LTBP4: variants seen among roughly 807,000 people sequenced by gnomAD.
LTBP4 encodes the protein latent transforming growth factor beta binding protein 4.
Under a neutral mutation model 180.2 loss-of-function variants are expected in LTBP4, and 93 were observed. The observed-to-expected ratio is 0.52, with a 90% CI of 0.44 to 0.61. The LOEUF is 0.61. Among genes scored for constraint, LTBP4 ranks in the 20% least tolerant of loss-of-function variants. LTBP4 has a pLI of 0.00. For missense variants in LTBP4, 2,116 were observed against 2,256.5 expected (o/e 0.94, Z 1.26); for synonymous variants, 947 against 934.5 (o/e 1.01, Z -0.24).
rs35089561 is a variant in LTBP4 at position 40,617,121 on chromosome 19, G to A, written c.2966G>A (p.Arg989Gln). ...GCAGATGTGGACGAATGCCGGAACC[G>A]GTCCTTCTGCGGTGCCCACGCCGTG... ...GCQDVDECRN[R>Q]SFCGAHAVCQ... Residue 989 changes from arginine (R) to glutamine (Q), a missense_variant, in exon 21 of 30, where the codon CGG becomes CAG. Arg to Gln is a conservative substitution (Grantham distance 43). Around this residue, in one of 5 missense-constraint regions of LTBP4, gnomAD observed 278 missense variants for 373.0 expected, o/e 0.75. Coordinates refer to ENST00000396819, the MANE Select transcript of LTBP4 (RefSeq NM_001042545.2). 17 of 1,613,986 alleles carry A rather than the reference G, an allele frequency of 1.1e-5. No individual in the cohort carries two copies. The highest frequency in any genetic ancestry group is 1.6e-4 in the Middle Eastern group (1 of 6,062).
rs935816609 is a variant in LTBP4 at position 40,593,803 on chromosome 19, C to T, written c.16+622C>T. Among the ~76,000 whole-genome samples, 6 of 150,262 alleles carry T rather than the reference C, an allele frequency of 4.0e-5. No homozygotes were observed. In the South Asian group the frequency reaches 1.3e-3, roughly 32 times the overall value. On this transcript the variant is annotated intron_variant, in intron 1 of 32. Transcript: ENST00000204005. Reference sequence around the variant, plus strand: ...TAAATTTTTATTATTTTCTTTATTTCTTTTTTTTGAGACAGGGTCTTTCTC... The same window carrying T: ...TAAATTTTTATTATTTTCTTTATTTTTTTTTTTTGAGACAGGGTCTTTCTC...
At position 40,610,867 on chromosome 19, in the gene LTBP4, A is replaced by G. The variant is rs1033449076; in HGVS notation, c.1810+210A>G. On this transcript the variant is annotated intron_variant, in intron 12 of 29. Coordinates refer to ENST00000396819, the MANE Select transcript of LTBP4 (RefSeq NM_001042545.2). ...GGAAACAGAAAGGCTGAGTCATGAA[A>G]GATGGAGAAGCAGAATGAGGAGGGA... is the stretch of plus-strand genomic sequence containing the variant. The G allele has an allele frequency of 3.8e-6, 3 of 797,784 alleles. No homozygotes were observed. The African/African-American group carries it at 5.2e-5, about 14-fold the overall frequency. 49.4% of individuals were successfully genotyped at this position (797,784 alleles called of 1,614,324 possible). A position where few individuals can be genotyped will look rare whatever the true frequency, so the allele number is the denominator to read the frequency against.
chr19:40,618,065 T>TC (rs1164225413), intron 21 of LTBP4, among the ~76,000 whole-genome samples: 1 of 141,854 alleles, frequency 7.0e-6, no homozygotes, highest in Non-Finnish European at 1.5e-5. Context: ...CTCTTCTCTC[T>TC]TTTTTTTTTT....
chr19:40,595,010 C>T (rs562890196), intron 1 of LTBP4, among the ~76,000 whole-genome samples: 325 of 151,818 alleles, frequency 2.1e-3, no homozygotes, highest in African/African-American at 7.4e-3. Flanking sequence ...GCCTAGTACC[C>T]TGTGTGGGTG....
intron 1 of LTBP4, among the ~76,000 whole-genome samples, chr19:40,595,258 G>C (rs1176204088): frequency 6.6e-6 from 1 of 152,140 alleles, no homozygotes; most frequent in East Asian, 1.9e-4. Context: ...GTGCCTTAGG[G>C]AGAGAAGGGG....
At chr19:40,625,651 C>T (rs1200821340) in intron 26 of LTBP4, among the ~76,000 whole-genome samples, 1 of 152,160 alleles carries the variant, frequency 6.6e-6, no homozygotes, top group East Asian at 1.9e-4. Context: ...CCTTCTTCTG[C>T]CCTCTCCTCC....
chr19:40,614,566 C>G (rs932726347), intron 19 of LTBP4, 120 bp downstream of exon 19: 1 of 1,260,800 alleles, frequency 7.9e-7, no homozygotes. Context: ...AGAACACCCT[C>G]TCACCGTATC....
At chr19:40,626,802 C>T (rs924862852) in intron 27 of LTBP4, among the ~76,000 whole-genome samples, 173 bp from the exon 28 acceptor site, 2 of 152,202 alleles carry the variant, frequency 1.3e-5, no homozygotes, top group African/African-American at 4.8e-5. Context: ...TTGATCTCAG[C>T]ACGTCCGAAT....
intron 29 of LTBP4, among the ~76,000 whole-genome samples, chr19:40,628,098 T>A (rs2081650986): frequency 6.6e-6 from 1 of 152,154 alleles, no homozygotes; most frequent in Non-Finnish European, 1.5e-5. Flanking sequence ...TGAAGCAGGA[T>A]AGAGGAATAG....
chr19:40,628,890 C>T (rs2081656656), intron 29 of LTBP4, among the ~76,000 whole-genome samples: 1 of 151,614 alleles, frequency 6.6e-6, no homozygotes. Flanking sequence ...CACTCTGTCG[C>T]CCAGGCTGGA....
At chr19:40,607,222 C>A (rs1436555021) in intron 6 of LTBP4, 143 bp from the exon 7 acceptor site, 1 of 718,858 alleles carries the variant, frequency 1.4e-6, no homozygotes, top group Non-Finnish European at 2.3e-6. Flanking sequence ...CTCCTTCAGA[C>A]CCTCTCAGAC....
At position 40,601,623 on chromosome 19, in the gene LTBP4, C is replaced by T; in HGVS notation, c.236C>T (p.Pro79Leu). Residue 79 changes from proline to leucine, a missense_variant, in exon 1 of 30, where the codon CCC (proline) becomes CTC (leucine). Pro to Leu is a moderately conservative substitution (Grantham distance 98). This residue lies in a region of LTBP4 where 469 missense variants were observed against 532.5 expected (regional missense o/e 0.88). Transcript: ENST00000396819. ...CCCGGCGGGGCGGCCCCGGGGGGAC[C>T]CGGCTTCCGCGCCTGTGAGTGCGGG... ...GAPGGAAPGG[P>L]GFRAFLCPLI... 2 of 1,371,700 alleles carry T rather than the reference C, an allele frequency of 1.5e-6. No individual in the cohort carries two copies. The highest frequency in any genetic ancestry group is 3.4e-5 in the South Asian group (2 of 59,142). The allele number at this position is 1,371,700 out of a possible 1,614,324, so 85.0% of individuals were successfully genotyped here. A position where few individuals can be genotyped will look rare whatever the true frequency, so the allele number is the denominator to read the frequency against.
chr19:40,610,676 C>T lies in LTBP4; in HGVS notation c.1810+19C>T. 2 of 1,571,106 alleles carry T rather than the reference C, an allele frequency of 1.3e-6. No individual in the cohort carries two copies. Among genetic ancestry groups the T allele is most frequent in the South Asian group, 1.1e-5 (1 of 87,826 alleles). The stretch of plus-strand genomic sequence containing the variant: ...TGCCAGGGTGAGGGCCTGGGAGGGG[C>T]AGCTGGGAAGGGGTGTGAGCGGTTG... On this transcript the variant is annotated intron_variant, in intron 12 of 29. Transcript: ENST00000396819.
intron 27 of LTBP4, among the ~76,000 whole-genome samples, chr19:40,626,643 C>A (rs1357999029): frequency 6.6e-6 from 1 of 152,106 alleles, no homozygotes; most frequent in African/African-American, 2.4e-5. Flanking sequence ...ATCCTGCCCC[C>A]TCAGGTCCCC....
At chr19:40,606,181 C>A in intron 4 of LTBP4, 52 bp from the exon 5 acceptor site, 2 of 1,484,244 alleles carry the variant, frequency 1.3e-6, no homozygotes, top group Non-Finnish European at 1.8e-6. Flanking sequence ...CTGCCCACTC[C>A]ATTCTCGCTC....
In LTBP4 at chr19:40,624,053, G is replaced by A. The variant is rs750379036; in HGVS notation, c.3803G>A (p.Arg1268His). ...PPLVLDGSQR[R>H]CVSNESQSLD... Reference sequence around the variant, plus strand: ...CTGGTGCTGGATGGCTCGCAGCGCCGCTGCGTCTCCAACGAGAGCCAGAGC... The same window carrying A: ...CTGGTGCTGGATGGCTCGCAGCGCCACTGCGTCTCCAACGAGAGCCAGAGC... The change falls in exon 26 of 30, where the codon CGC (arginine) becomes CAC (histidine). Residue 1268 changes from arginine (R) to histidine (H), a missense_variant. By Grantham distance (29) the Arg-to-His change is conservative (BLOSUM62 0). Around this residue, in one of 5 missense-constraint regions of LTBP4, gnomAD observed 488 missense variants for 458.8 expected, o/e 1.06. Transcript: ENST00000396819. 1.3e-6 allele frequency: 2 copies of A among 1,584,422 alleles called. No individual in the cohort carries two copies. The highest frequency in any genetic ancestry group is 1.1e-5 in the South Asian group (1 of 88,640).
intron 1 of LTBP4, among the ~76,000 whole-genome samples, chr19:40,603,136 C>T (rs1393491418): frequency 6.6e-6 from 1 of 152,176 alleles, no homozygotes; most frequent in Admixed American, 6.5e-5. Context: ...CTCCCACCTC[C>T]CAAACTGTGC....
At chr19:40,598,449 CT>C, upstream of LTBP4, 1 of 151,520 alleles carries the variant, frequency 6.6e-6, no homozygotes, top group South Asian at 2.1e-4. Context: ...GGATAATGGA[CT>C]TGTCTGGGGG....
Position 40,609,593 on chromosome 19 carries a change from G to C in LTBP4, c.1490G>C (p.Arg497Pro). ...TGCGGCCCAGGACGCTGCATTTCCC[G>C]GCCCAGCGGCTACACCTGCGCTTGC... ...QVCGPGRCIS[R>P]PSGYTCACDS... The change falls in exon 10 of 30, where the codon CGG becomes CCG. Residue 497 changes from arginine to proline, a missense_variant. By Grantham distance (103) the Arg-to-Pro change is moderately radical. Transcript: ENST00000396819. The surrounding 1 kb of genome is among the most constrained non-coding windows in gnomAD (Gnocchi z 4.9). 1.9e-6 allele frequency: 3 copies of C among 1,613,448 alleles called. No individual in the cohort carries two copies. Among genetic ancestry groups the C allele is most frequent in the Non-Finnish European group, 2.5e-6 (3 of 1,179,842 alleles).
Sources: allele counts gnomAD v4.1 joint callset (sites outside exome capture counted in the v4.1 genomes callset), GRCh38; gene constraint gnomAD v4.1.1; regional missense constraint gnomAD v4.1.1; non-coding constraint Gnocchi (gnomAD v3.1); transcripts MANE v1.5; gene names NCBI Gene and HGNC (gene_info 2026-07-23, HGNC 2026-07-21).